Variants in GTF2E2 observed in about 807,000 individuals in gnomAD.
GTF2E2 encodes transcription initiation factor IIE subunit beta.
GTF2E2 carries 21 observed loss-of-function variants against 40.5 expected under a neutral mutation model. The observed-to-expected ratio is 0.52, with a 90% confidence interval of 0.37 to 0.75. The LOEUF is 0.75. Among genes scored for constraint, GTF2E2 ranks in the 30% least tolerant of loss-of-function variants. The pLI is 0.00. For synonymous variants in GTF2E2, 117 were observed against 121.6 expected, an observed-to-expected ratio of 0.96 and a Z score of 0.25; for missense variants, 298 against 338.4, an observed-to-expected ratio of 0.88 and a Z score of 0.94.
intron 6 of GTF2E2, among the ~76,000 whole-genome samples, chr8:30,604,709 C>A (rs1252470153): frequency 2.0e-5 from 3 of 152,144 alleles, no homozygotes; most frequent in African/African-American, 7.2e-5. Flanking sequence ...ATTTCTGCAT[C>A]ACATATGCTA....
intron 2 of GTF2E2, chr8:30,645,751 T>A (rs181647944): frequency 1.5e-6 from 1 of 688,692 alleles, no homozygotes; most frequent in South Asian, 2.0e-5. Flanking sequence ...AAACATGCAC[T>A]GTTTGTGTGT....
At chr8:30,601,052 CTTGTT>C (rs540135433) in intron 6 of GTF2E2, among the ~76,000 whole-genome samples, 2 of 152,338 alleles carry the variant, frequency 1.3e-5, no homozygotes, top group Admixed American at 6.5e-5. Context: ...TTAACAAAAA[CTTGTT>C]TTGTTTTGTT....
intron 3 of GTF2E2, among the ~76,000 whole-genome samples, chr8:30,620,555 G>A (rs1442670036): frequency 6.6e-6 from 1 of 151,946 alleles, no homozygotes; most frequent in Non-Finnish European, 1.5e-5. Flanking sequence ...TTTTGTGTAA[G>A]CTTATAACAT....
intron 6 of GTF2E2, among the ~76,000 whole-genome samples, chr8:30,601,891 G>A (rs761485443): frequency 2.0e-5 from 3 of 152,218 alleles, no homozygotes; most frequent in South Asian, 2.1e-4. Flanking sequence ...CCAATACATC[G>A]TAACTATATT....
At chr8:30,635,708 C>T (rs1801578288) in intron 2 of GTF2E2, among the ~76,000 whole-genome samples, 1 of 152,000 alleles carries the variant, frequency 6.6e-6, no homozygotes, top group African/African-American at 2.4e-5. Context: ...TCATTCTTAT[C>T]TTAACTCTGA....
intron 6 of GTF2E2, among the ~76,000 whole-genome samples, chr8:30,587,588 T>G (rs1200415642): frequency 6.7e-6 from 1 of 149,738 alleles, no homozygotes; most frequent in Non-Finnish European, 1.5e-5. Context: ...GATATACAAA[T>G]GAGGCCAGGC....
At chr8:30,651,108 G>C (rs755230033) in intron 2 of GTF2E2, among the ~76,000 whole-genome samples, 2 of 151,722 alleles carry the variant, frequency 1.3e-5, no homozygotes, top group Admixed American at 6.6e-5. Context: ...AATATCATGC[G>C]TAAGAGTGAA....
intron 3 of GTF2E2, among the ~76,000 whole-genome samples, chr8:30,630,286 A>T (rs1163275984): frequency 6.6e-6 from 1 of 152,202 alleles, no homozygotes; most frequent in Non-Finnish European, 1.5e-5. Context: ...TGTTCTCAGT[A>T]TTATGACTCT....
chr8:30,607,075 G>C lies in GTF2E2; in HGVS notation c.625C>G (p.Gln209Glu). The stretch of plus-strand genomic sequence containing the variant: ...AGCTCACCTTCATCCACAGAAAACT[G>C]ACAGCTCTTATCATTGAAGAAAAGT... ...KILFFNDKSCQFSVDEEFQKL... is the reference protein window; with the variant it reads ...KILFFNDKSCEFSVDEEFQKL... The change falls in exon 6 of 8, where the codon CAG becomes GAG. Residue 209 changes from glutamine to glutamate, a missense_variant. Transcript: ENST00000355904. The C allele has an allele frequency of 7.1e-7, 1 of 1,417,178 alleles. No homozygotes were observed. Among genetic ancestry groups the C allele is most frequent in the Non-Finnish European group, 9.8e-7 (1 of 1,018,250 alleles). 87.8% of individuals were successfully genotyped at this position (1,417,178 alleles called of 1,614,324 possible). A position where few individuals can be genotyped will look rare whatever the true frequency, so the allele number is the denominator to read the frequency against.
chr8:30,642,824 A>C (rs1586000179), intron 2 of GTF2E2, among the ~76,000 whole-genome samples: 1 of 152,260 alleles, frequency 6.6e-6, no homozygotes, highest in East Asian at 1.9e-4. Context: ...GATACAAGTT[A>C]AACCTCAAAT....
At chr8:30,609,820 TGA>T (rs1484870965) in intron 5 of GTF2E2, among the ~76,000 whole-genome samples, 1 of 152,178 alleles carries the variant, frequency 6.6e-6, no homozygotes, top group Non-Finnish European at 1.5e-5. Context: ...TGAGTTCTCA[TGA>T]GATCTGGTCA....
intron 3 of GTF2E2, among the ~76,000 whole-genome samples, chr8:30,626,487 AAAG>A (rs915795225): frequency 4.6e-5 from 7 of 152,342 alleles, no homozygotes; most frequent in Non-Finnish European, 8.8e-5. Context: ...CTGTCTCAAA[AAAG>A]AAAAAAGAAG....
Position 30,607,147 on chromosome 8 carries a change from A to C in GTF2E2, c.553T>G (p.Leu185Val). 4.7e-6 allele frequency: 6 copies of C among 1,273,034 alleles called. No individual in the cohort carries two copies. Among genetic ancestry groups the C allele is most frequent in the Non-Finnish European group, 6.7e-6 (6 of 896,726 alleles). The allele number at this position is 1,273,034 out of a possible 1,614,324, so 78.9% of individuals were successfully genotyped here. Residue 185 changes from leucine to valine, a missense_variant, in exon 6 of 8, where the codon TTG becomes GTG. Transcript: ENST00000355904. ...LPNSQKAVKA[L>V]GDQILFVNRP... is the part of the protein sequence containing the mutation. Reference sequence around the variant, plus strand: ...TTTACAAATAGTATCTGGTCCCCCAAAGCCTTAAAGATAGATAAAATAAAG... The same window carrying C: ...TTTACAAATAGTATCTGGTCCCCCACAGCCTTAAAGATAGATAAAATAAAG...
intron 3 of GTF2E2, among the ~76,000 whole-genome samples, chr8:30,625,331 T>C (rs919406064): frequency 2.6e-5 from 4 of 152,148 alleles, no homozygotes; most frequent in Admixed American, 6.5e-5. Flanking sequence ...CTTGCGTATG[T>C]TGAACCAGCC....
At chr8:30,617,572 A>C (rs1326051537) in intron 3 of GTF2E2, among the ~76,000 whole-genome samples, 1 of 151,866 alleles carries the variant, frequency 6.6e-6, no homozygotes, top group Non-Finnish European at 1.5e-5. Context: ...CAAAACTCTG[A>C]CTCTACCAAA....
At chr8:30,626,433 C>T (rs1801276318) in intron 3 of GTF2E2, among the ~76,000 whole-genome samples, 1 of 152,060 alleles carries the variant, frequency 6.6e-6, no homozygotes, top group Non-Finnish European at 1.5e-5. Context: ...TGCAGTGAGC[C>T]GAGATCACGC....
At chr8:30,597,697 G>C (rs946419759) in intron 6 of GTF2E2, among the ~76,000 whole-genome samples, 28 of 152,184 alleles carry the variant, frequency 1.8e-4, no homozygotes, top group Admixed American at 3.3e-4. Flanking sequence ...GACTTCTGGG[G>C]TTTGTTGTTG....
chr8:30,612,448 C>T lies in GTF2E2; in HGVS notation c.400G>A (p.Asp134Asn). The T allele has an allele frequency of 6.2e-7, 1 of 1,611,916 alleles. No individual in the cohort carries two copies. Among genetic ancestry groups the T allele is most frequent in the Admixed American group, 1.7e-5 (1 of 59,942 alleles). Residue 134 changes from aspartate to asparagine, a missense_variant, in exon 5 of 8, where the codon GAT becomes AAT. Asp to Asn is a conservative substitution (Grantham distance 23). Coordinates refer to ENST00000355904, the MANE Select transcript of GTF2E2 (RefSeq NM_002095.6). ...TTGGGCTTGAAAGCATACTTCCCAT[C>T]TATTACTTCAATTTTGGGATTGTTG... ...LVNNPKIEVI[D>N]GKYAFKPKYN... is the part of the protein sequence containing the mutation.
At chr8:30,617,851 T>C (rs766054518) in intron 3 of GTF2E2, among the ~76,000 whole-genome samples, 10 of 151,810 alleles carry the variant, frequency 6.6e-5, no homozygotes, top group East Asian at 1.9e-4. Flanking sequence ...AATGACGACA[T>C]GATTAACTAG....
Sources: gnomAD v4.1 joint callset for allele counts (sites outside exome capture counted in the v4.1 genomes callset) on GRCh38, gnomAD v4.1.1 for gene constraint, MANE v1.5 for transcripts, NCBI Gene and HGNC (gene_info 2026-07-23, HGNC 2026-07-21) for gene names.